LEMD3: variants seen among roughly 807,000 people sequenced by gnomAD.
LEMD3 encodes the protein inner nuclear membrane protein Man1.
A neutral mutation model predicts 95.2 loss-of-function variants in LEMD3; 33 were observed. That is an observed-to-expected ratio of 0.35 (90% CI 0.26 to 0.46). The LOEUF (loss-of-function observed/expected upper bound fraction) is 0.46. Among genes scored for constraint, LEMD3 ranks in the 20% least tolerant of loss-of-function variants. The pLI is 1.00. For synonymous variants in LEMD3, 525 were observed against 474.6 expected (o/e 1.11, Z -1.38); for missense variants, 1,210 against 1,192.8 (o/e 1.01, Z -0.21).
intron 4 of LEMD3, among the ~76,000 whole-genome samples, chr12:65,224,718 C>G (rs1870397144): frequency 1.3e-5 from 2 of 152,060 alleles, no homozygotes; most frequent in African/African-American, 4.8e-5. Flanking sequence ...TTGGTCTATC[C>G]TCATTAGGAT....
At chr12:65,200,772 C>T (rs1272828378) in intron 1 of LEMD3, among the ~76,000 whole-genome samples, 1 of 152,012 alleles carries the variant, frequency 6.6e-6, no homozygotes, top group Non-Finnish European at 1.5e-5. Flanking sequence ...TCTTTTTATT[C>T]TCTTAACAGT....
At chr12:65,227,687 G>A (rs914317111) in intron 4 of LEMD3, among the ~76,000 whole-genome samples, 9 of 151,244 alleles carry the variant, frequency 6.0e-5, no homozygotes, top group African/African-American at 2.2e-4. Flanking sequence ...CTTTGAATGC[G>A]GCCCAACACA....
At chr12:65,216,191 T>C (rs1341663267) in intron 3 of LEMD3, 148 bp downstream of exon 3, 3 of 546,346 alleles carry the variant, frequency 5.5e-6, no homozygotes, top group Non-Finnish European at 9.7e-6. Context: ...GAGTGATTTT[T>C]GATTTTTACA....
chr12:65,190,213 A>ACCCTGC (rs1869195181), intron 1 of LEMD3, among the ~76,000 whole-genome samples: 1 of 152,162 alleles, frequency 6.6e-6, no homozygotes, highest in South Asian at 2.1e-4. Flanking sequence ...TGCAAACCAA[A>ACCCTGC]AATAAAATTC....
At chr12:65,183,950 C>T (rs1348888419) in intron 1 of LEMD3, among the ~76,000 whole-genome samples, 1 of 152,098 alleles carries the variant, frequency 6.6e-6, no homozygotes, top group Non-Finnish European at 1.5e-5. Flanking sequence ...CTCTTTGAGT[C>T]TGTTACAGGA....
intron 1 of LEMD3, among the ~76,000 whole-genome samples, chr12:65,176,058 C>A (rs754764594): frequency 5.3e-5 from 8 of 152,126 alleles, no homozygotes; most frequent in Non-Finnish European, 1.0e-4. Context: ...CGCCACTGTT[C>A]TAGGTTAGTC....
chr12:65,175,758 T>A (rs1280523131), intron 1 of LEMD3, among the ~76,000 whole-genome samples: 1 of 152,212 alleles, frequency 6.6e-6, no homozygotes, highest in Non-Finnish European at 1.5e-5. Flanking sequence ...ACCTTGGATT[T>A]CTCCTGAGAT....
At chr12:65,187,318 A>G (rs759618384) in intron 1 of LEMD3, among the ~76,000 whole-genome samples, 1 of 151,986 alleles carries the variant, frequency 6.6e-6, no homozygotes, top group Non-Finnish European at 1.5e-5. Context: ...AGAGACTTTA[A>G]CAATTCAATT....
At chr12:65,192,554 A>G (rs1869277275) in intron 1 of LEMD3, among the ~76,000 whole-genome samples, 1 of 152,100 alleles carries the variant, frequency 6.6e-6, no homozygotes, top group African/African-American at 2.4e-5. Context: ...TTAACCAAAA[A>G]CATGTCTTAC....
At position 65,248,224 on chromosome 12, in the gene LEMD3, G is replaced by C. The variant is rs1489488763; in HGVS notation, c.*1899G>C. On this transcript the variant is annotated 3_prime_UTR_variant, in exon 13 of 13. Transcript: ENST00000308330. The stretch of plus-strand genomic sequence containing the variant: ...CCCTCCCTGCAAGACAGATGGGAAT[G>C]TGTATAATAACTAGGTATTTGAGAA... The C allele has an allele frequency of 6.6e-6, 1 of 152,284 alleles. No individual in the cohort carries two copies. Among genetic ancestry groups the C allele is most frequent in the Non-Finnish European group, 1.5e-5 (1 of 67,982 alleles). 9.4% of individuals were successfully genotyped at this position (152,284 alleles called of 1,614,324 possible). A position where few individuals can be genotyped will look rare whatever the true frequency, so the allele number is the denominator to read the frequency against.
chr12:65,204,051 A>G (rs1056127287), intron 1 of LEMD3, among the ~76,000 whole-genome samples: 7 of 152,128 alleles, frequency 4.6e-5, no homozygotes, highest in East Asian at 3.9e-4. Context: ...CTTACAGACA[A>G]CTTATACTTG....
At position 65,218,553 on chromosome 12, in the gene LEMD3, A is replaced by G; in HGVS notation, c.1629A>G (p.Gly543=). Residue 543 remains glycine (G), a splice_region_variant and synonymous_variant, in exon 4 of 13, where the codon GGA becomes GGG. Coordinates refer to ENST00000308330, the MANE Select transcript of LEMD3 (RefSeq NM_014319.5). ...TTAATAATATGCTAATCTTTCCAGG[A>G]GATCATGAATGTGGCAGTTCTAGTC... The part of the protein sequence containing the change: ...KLHDRLAQLA[G]DHECGSSSQR... 1 of 1,597,112 alleles carries G rather than the reference A, an allele frequency of 6.3e-7. No individual in the cohort carries two copies. The highest frequency in any genetic ancestry group is 8.6e-7 in the Non-Finnish European group (1 of 1,166,898).
rs766588987 is a variant in LEMD3, at chr12:65,169,609, G to C, written c.13G>C (p.Ala5Pro). 1.2e-5 allele frequency: 19 copies of C among 1,587,642 alleles called. No individual in the cohort carries two copies. The highest frequency in any genetic ancestry group is 1.5e-5 in the Non-Finnish European group (18 of 1,169,340). Residue 5 changes from alanine to proline, a missense_variant, in exon 1 of 13, where the codon GCA (alanine) becomes CCA (proline). Coordinates refer to ENST00000308330, the MANE Select transcript of LEMD3 (RefSeq NM_014319.5). Reference sequence around the variant, plus strand: ...CCCTGGAGAGAAAATGGCGGCGGCAGCAGCTTCGGCGCCTCAGCAGCTCTC... The same window carrying C: ...CCCTGGAGAGAAAATGGCGGCGGCACCAGCTTCGGCGCCTCAGCAGCTCTC... Reference protein sequence around the residue: MAAAAASAPQQLSDE... With the variant: MAAAPASAPQQLSDE...
Position 65,225,968 on chromosome 12 carries a change from G to A in LEMD3, c.1695+7349G>A, listed in dbSNP as rs143131136. 2.1e-3 allele frequency among the ~76,000 whole-genome samples: 323 copies of A among 152,280 alleles called. 1 individual carries two copies. The highest frequency in any genetic ancestry group is 7.5e-3 in the African/African-American group (310 of 41,544). On this transcript the variant is annotated intron_variant, in intron 4 of 12. Transcript: ENST00000308330. ...TGAATCAGGTGAGGCAGAAGCCAGC[G>A]AGGCAACACTCCTTGCCCCTGTGAA...
At chr12:65,241,772 GT>G (rs1425521959) in intron 9 of LEMD3, among the ~76,000 whole-genome samples, 1 of 152,132 alleles carries the variant, frequency 6.6e-6, no homozygotes, top group Non-Finnish European at 1.5e-5. Flanking sequence ...TGTGGAAAAG[GT>G]AAGTTGTTTT....
chr12:65,206,405 A>G (rs11175674), intron 1 of LEMD3, among the ~76,000 whole-genome samples: 1 of 152,104 alleles, frequency 6.6e-6, no homozygotes, highest in Admixed American at 6.5e-5. Flanking sequence ...CCAGGACTGA[A>G]CTGTCTTTGA....
At chr12:65,183,149 A>C (rs1362969313) in intron 1 of LEMD3, among the ~76,000 whole-genome samples, 1 of 152,216 alleles carries the variant, frequency 6.6e-6, no homozygotes, top group Non-Finnish European at 1.5e-5. Context: ...AGCCACGTTA[A>C]AACATAAAAA....
intron 1 of LEMD3, among the ~76,000 whole-genome samples, chr12:65,177,559 T>C (rs1351794707): frequency 3.9e-5 from 6 of 152,168 alleles, no homozygotes; most frequent in Non-Finnish European, 7.4e-5. Flanking sequence ...TCTTGTAGGC[T>C]CTTGTAGATA....
intron 6 of LEMD3, 99 bp from the exon 7 acceptor site, chr12:65,239,830 T>A: frequency 1.3e-6 from 1 of 797,276 alleles, no homozygotes; most frequent in Non-Finnish European, 2.1e-6. Context: ...CCATCTGTCT[T>A]GAAGGTTCAT....
Sources: gnomAD v4.1 joint callset for allele counts (sites outside exome capture counted in the v4.1 genomes callset) on GRCh38, gnomAD v4.1.1 for gene constraint, MANE v1.5 for transcripts, NCBI Gene and HGNC (gene_info 2026-07-23, HGNC 2026-07-21) for gene names.